IL1RAPL2: variants seen among roughly 807,000 people sequenced by gnomAD.
IL1RAPL2 encodes the protein interleukin 1 receptor accessory protein like 2.
A neutral mutation model predicts 44.1 loss-of-function variants in IL1RAPL2; 3 were observed. The ratio of observed to expected loss-of-function variants is 0.07; its 90% CI spans 0.03 to 0.18. The LOEUF (loss-of-function observed/expected upper bound fraction) is 0.18, where lower values mean the gene tolerates loss of function less well. IL1RAPL2 is among the 10% of genes least tolerant of loss of function. The probability of loss-of-function intolerance (pLI) is 1.00; values close to 1 mark genes in which losing one functional copy is unlikely to be tolerated. For synonymous variants in IL1RAPL2, 181 were observed against 178.8 expected (o/e 1.01, Z -0.10); for missense variants, 391 against 496.4 (o/e 0.79, Z 2.02).
intron 2 of IL1RAPL2, among the ~76,000 whole-genome samples, chrX:104,937,952 C>T (rs1342181249): frequency 8.9e-6 from 1 of 112,270 alleles, no homozygotes; most frequent in Non-Finnish European, 1.9e-5. Context: ...GATAGTAAAT[C>T]CTAAATTACA....
intron 2 of IL1RAPL2, among the ~76,000 whole-genome samples, chrX:104,906,299 C>T (rs759884780): frequency 0.022 from 2,377 of 110,127 alleles, 36 homozygotes; most frequent in Non-Finnish European, 0.032. Context: ...CCTTTATTTC[C>T]TTCTCCTGCC....
At position 105,355,760 on chromosome X, in the gene IL1RAPL2, A is replaced by G. The variant is rs749569612; in HGVS notation, c.697+88219A>G. Reference sequence around the variant, plus strand: ...TCTATTACAAATTCCTATAAGTGGAAGGCAGTCTTTTATAATTACTACCAT... The same window carrying G: ...TCTATTACAAATTCCTATAAGTGGAGGGCAGTCTTTTATAATTACTACCAT... On this transcript the variant is annotated intron_variant, in intron 5 of 10. Transcript: ENST00000372582. 1.3e-4 allele frequency among the ~76,000 whole-genome samples: 14 copies of G among 111,846 alleles called. No individual in the cohort carries two copies. The East Asian group carries it at 4.0e-3, about 32-fold the overall frequency.
At chrX:105,411,184 G>T (rs931680212) in intron 5 of IL1RAPL2, among the ~76,000 whole-genome samples, 1 of 110,880 alleles carries the variant, frequency 9.0e-6, no homozygotes, top group African/African-American at 3.3e-5. Context: ...TAAAGAGAAA[G>T]AAAACAAAAC....
At chrX:105,005,054 A>T (rs914916831) in intron 2 of IL1RAPL2, among the ~76,000 whole-genome samples, 1 of 111,189 alleles carries the variant, frequency 9.0e-6, no homozygotes, top group Non-Finnish European at 1.9e-5. Context: ...CTCTACACCG[A>T]TCTACCCTGT....
intron 1 of IL1RAPL2, among the ~76,000 whole-genome samples, chrX:104,580,604 G>A (rs1383566433): frequency 1.8e-5 from 2 of 111,757 alleles, no homozygotes; most frequent in African/African-American, 6.5e-5. Flanking sequence ...CTCTTTTGGA[G>A]GCTGCAGAAG....
At chrX:105,087,410 A>G (rs139395494) in intron 2 of IL1RAPL2, among the ~76,000 whole-genome samples, 1 of 112,090 alleles carries the variant, frequency 8.9e-6, no homozygotes, top group African/African-American at 3.2e-5. Context: ...TTCACTGGCC[A>G]TGAAACAGAT....
chrX:104,874,240 C>T (rs1051376612), intron 2 of IL1RAPL2, among the ~76,000 whole-genome samples: 2 of 105,439 alleles, frequency 1.9e-5, no homozygotes, highest in African/African-American at 6.9e-5. Flanking sequence ...ATTTACAGAC[C>T]TCTAAAGTAT....
At chrX:105,500,492 G>A (rs184055599) in intron 6 of IL1RAPL2, among the ~76,000 whole-genome samples, 1 of 111,173 alleles carries the variant, frequency 9.0e-6, no homozygotes, top group East Asian at 2.8e-4. Context: ...TTCCTGCTTA[G>A]ACTGTTCTAT....
At chrX:105,100,741 T>C (rs1294480787) in intron 2 of IL1RAPL2, among the ~76,000 whole-genome samples, 2 of 111,505 alleles carry the variant, frequency 1.8e-5, no homozygotes, top group African/African-American at 6.5e-5. Flanking sequence ...GTTAAAAATA[T>C]CAGGATGATT....
chrX:104,940,055 C>A (rs957625760), intron 2 of IL1RAPL2, among the ~76,000 whole-genome samples: 2 of 111,321 alleles, frequency 1.8e-5, no homozygotes, highest in African/African-American at 6.5e-5. Context: ...ATACTAAAAA[C>A]ATTGAATTGC....
intron 2 of IL1RAPL2, among the ~76,000 whole-genome samples, chrX:104,787,790 A>G (rs1402078963): frequency 1.8e-5 from 2 of 111,474 alleles, no homozygotes; most frequent in East Asian, 5.6e-4. Context: ...GCCTTAGGAG[A>G]TTCTGATTCA....
chrX:105,218,888 C>T, intron 3 of IL1RAPL2: 1 of 998,986 alleles, frequency 1.0e-6, no homozygotes, highest in African/African-American at 1.9e-5. Context: ...CGGCCCCCGC[C>T]ACCACAAGCC....
intron 2 of IL1RAPL2, among the ~76,000 whole-genome samples, chrX:104,735,457 C>A (rs189210418): frequency 4.2e-4 from 47 of 110,693 alleles, no homozygotes; most frequent in African/African-American, 1.5e-3. Context: ...GTTATATGAA[C>A]AATAACCATT....
chrX:105,615,769 A>G (rs1263387684), intron 6 of IL1RAPL2, among the ~76,000 whole-genome samples: 2 of 112,116 alleles, frequency 1.8e-5, no homozygotes, highest in Non-Finnish European at 3.8e-5. Context: ...TGCTAGCACA[A>G]CAGGGTGACT....
chrX:104,766,368 G>GGCCTGCCT lies in IL1RAPL2; in HGVS notation c.82+107406_82+107413dup, dbSNP rs3081246. 4.4e-3 allele frequency among the ~76,000 whole-genome samples: 268 copies of GGCCTGCCT among 60,304 alleles called. 2 individuals carry two copies. In the East Asian group the frequency reaches 0.053, roughly 12 times the overall value. 52.4% of individuals were successfully genotyped at this position (60,304 alleles called of 115,157 possible). A position where few individuals can be genotyped will look rare whatever the true frequency, so the allele number is the denominator to read the frequency against. ...CTTCCCATTGGAATAATTCCTGGCT[G>GGCCTGCCT]GCCTGCCTGCCTGCCTGCCTGCCTG... On this transcript the variant is annotated intron_variant, in intron 2 of 10. Coordinates refer to ENST00000372582, the MANE Select transcript of IL1RAPL2 (RefSeq NM_017416.2).
intron 2 of IL1RAPL2, among the ~76,000 whole-genome samples, chrX:104,940,427 A>G (rs1925134878): frequency 1.8e-5 from 2 of 111,925 alleles, no homozygotes; most frequent in South Asian, 7.4e-4. Context: ...TACTTTCAAA[A>G]AGTTCTAGGG....
intron 6 of IL1RAPL2, among the ~76,000 whole-genome samples, chrX:105,527,851 T>C (rs1171297816): frequency 9.0e-6 from 1 of 111,159 alleles, no homozygotes; most frequent in Admixed American, 9.6e-5. Context: ...TCTACAAGCC[T>C]CCCTTTGCCC....
intron 2 of IL1RAPL2, among the ~76,000 whole-genome samples, chrX:104,677,765 C>A (rs1393966824): frequency 1.8e-5 from 2 of 111,953 alleles, no homozygotes; most frequent in Admixed American, 1.9e-4. Context: ...TGGGGTAGGA[C>A]CCTCCATGCC....
chrX:104,853,782 A>C (rs1287993788), intron 2 of IL1RAPL2, among the ~76,000 whole-genome samples: 2 of 107,783 alleles, frequency 1.9e-5, no homozygotes, highest in Non-Finnish European at 3.8e-5. Context: ...GGGCGCCTGT[A>C]GTCCCAGCTA....
Sources: gnomAD v4.1 joint callset for allele counts (sites outside exome capture counted in the v4.1 genomes callset) on GRCh38, gnomAD v4.1.1 for gene constraint, MANE v1.5 for transcripts, NCBI Gene and HGNC (gene_info 2026-07-23, HGNC 2026-07-21) for gene names.